Variants in KCNH2 observed in about 807,000 individuals in gnomAD.
KCNH2 encodes the protein potassium voltage-gated channel subfamily H member 2, also known as voltage-gated inwardly rectifying potassium channel KCNH2.
In KCNH2, 35 loss-of-function variants were observed where a neutral mutation model predicts 95.9. The observed-to-expected ratio is 0.37, with a 90% confidence interval of 0.28 to 0.48. KCNH2 has a LOEUF of 0.48. Among genes scored for constraint, KCNH2 ranks in the 20% least tolerant of loss-of-function variants. The pLI is 0.99. For synonymous variants in KCNH2, 786 were observed against 754.7 expected (o/e 1.04, Z -0.68); for missense variants, 1,274 against 1,702.9 (o/e 0.75, Z 4.43).
chr7:150,947,934 C>G, intron 11 of KCNH2, 56 bp from the exon 12 acceptor site: 2 of 1,507,790 alleles, frequency 1.3e-6, no homozygotes, highest in Non-Finnish European at 8.8e-7. Flanking sequence ...GAGGAGGGGG[C>G]GAGGGTGGAG....
Position 150,951,006 on chromosome 7 carries a change from T to A in KCNH2, c.2060A>T (p.His687Leu). 6.2e-7 allele frequency: 1 copy of A among 1,614,214 alleles called. No individual in the cohort carries two copies. Among genetic ancestry groups the A allele is most frequent in the South Asian group, 1.1e-5 (1 of 91,088 alleles). ...CTGGCGCAGGGGATTGGGGATCTGG[T>A]GGAAGCGGATGAACTCCCGCACCCG... ...MLRVREFIRF[H>L]QIPNPLRQRL... The change falls in exon 8 of 15, where the codon CAC (histidine) becomes CTC (leucine). Residue 687 changes from histidine to leucine, a missense_variant. By Grantham distance (99) the His-to-Leu change is moderately conservative (BLOSUM62 -3). Coordinates refer to ENST00000262186, the MANE Select transcript of KCNH2 (RefSeq NM_000238.4).
intron 5 of KCNH2, among the ~76,000 whole-genome samples, chr7:150,954,708 G>C (rs1160101560): frequency 6.6e-6 from 1 of 152,178 alleles, no homozygotes; most frequent in African/African-American, 2.4e-5. Context: ...GTGGGGGCAG[G>C]GATGGGATTC....
At chr7:150,975,019 A>C in intron 1 of KCNH2, 78 bp from the exon 2 acceptor site, 1 of 1,299,304 alleles carries the variant, frequency 7.7e-7, no homozygotes, top group Non-Finnish European at 1.1e-6. Context: ...CACATTCTCC[A>C]CTCACACAGC....
intron 2 of KCNH2, among the ~76,000 whole-genome samples, chr7:150,966,709 C>T (rs1801716450): frequency 6.6e-6 from 1 of 152,180 alleles, no homozygotes; most frequent in East Asian, 1.9e-4. Context: ...AACAATACGT[C>T]TTTTACAATA....
intron 2 of KCNH2, among the ~76,000 whole-genome samples, chr7:150,967,212 G>C (rs905447185): frequency 1.3e-5 from 2 of 152,214 alleles, no homozygotes; most frequent in Non-Finnish European, 2.9e-5. Context: ...CCAAGAGGCA[G>C]AGGCTGCAGT....
At chr7:150,957,015 C>T (rs1398448308) in intron 5 of KCNH2, among the ~76,000 whole-genome samples, 1 of 152,196 alleles carries the variant, frequency 6.6e-6, no homozygotes, top group Non-Finnish European at 1.5e-5. Flanking sequence ...TCACCCTGTG[C>T]CCCGAAGGCA....
At chr7:150,976,484 C>A (rs1471325270) in intron 1 of KCNH2, among the ~76,000 whole-genome samples, 1 of 152,190 alleles carries the variant, frequency 6.6e-6, no homozygotes, top group East Asian at 1.9e-4. Flanking sequence ...AGAGGCCCAG[C>A]CACACACCCC....
intron 1 of KCNH2, among the ~76,000 whole-genome samples, chr7:150,976,237 A>T (rs1801976577): frequency 1.3e-5 from 2 of 151,862 alleles, no homozygotes; most frequent in Non-Finnish European, 2.9e-5. Flanking sequence ...GCTGGGCTGC[A>T]GCAGGGCACC....
At chr7:150,975,191 C>T (rs1037913393) in intron 1 of KCNH2, among the ~76,000 whole-genome samples, 3 of 151,896 alleles carry the variant, frequency 2.0e-5, no homozygotes, top group Non-Finnish European at 4.4e-5. Context: ...TGGCTTCCCC[C>T]GGGCAGGCCG....
At chr7:150,959,847 G>T in intron 2 of KCNH2, 111 bp from the exon 3 acceptor site, 1 of 1,204,086 alleles carries the variant, frequency 8.3e-7, no homozygotes, top group South Asian at 1.3e-5. Flanking sequence ...CTGCCTCCCC[G>T]TATGGCCCTT....
intron 9 of KCNH2, chr7:150,949,490 T>C: frequency 1.3e-6 from 1 of 750,200 alleles, no homozygotes. Flanking sequence ...AATGCTAGAA[T>C]GAACCACATG....
intron 2 of KCNH2, among the ~76,000 whole-genome samples, chr7:150,969,520 G>A (rs1287674190): frequency 1.3e-5 from 2 of 152,144 alleles, no homozygotes; most frequent in Non-Finnish European, 2.9e-5. Context: ...CGCAAAGCAA[G>A]GCTAGAGGAC....
At chr7:150,947,959 G>A (rs1168098884) in intron 11 of KCNH2, 81 bp from the exon 12 acceptor site, 13 of 1,432,036 alleles carry the variant, frequency 9.1e-6, no homozygotes, top group East Asian at 7.5e-5. Flanking sequence ...GGACAGGAGC[G>A]AGCCCGAGAG....
Position 150,944,964 on chromosome 7 carries a change from C to T in KCNH2, c.*401G>A, listed in dbSNP as rs1800839408. On this transcript the variant is annotated 3_prime_UTR_variant, in exon 15 of 15. Transcript: ENST00000262186. ...CACCCTCCCAGCACCACTGGAGTCT[C>T]CTCAGGATAATTATTTATTATTCAT... 5.4e-6 allele frequency: 1 copy of T among 183,760 alleles called. No homozygotes were observed. Among genetic ancestry groups the T allele is most frequent in the Admixed American group, 5.4e-5 (1 of 18,426 alleles). The allele number at this position is 183,760 out of a possible 1,614,324, so 11.4% of individuals were successfully genotyped here. A position where few individuals can be genotyped will look rare whatever the true frequency, so the allele number is the denominator to read the frequency against.
chr7:150,956,107 C>T (rs1030505887), intron 5 of KCNH2, among the ~76,000 whole-genome samples: 10 of 152,132 alleles, frequency 6.6e-5, no homozygotes, highest in Non-Finnish European at 1.5e-4. Context: ...GGAACACACA[C>T]GCCTGCCGAC....
rs918503312 is a variant in KCNH2, at chr7:150,962,656, G to A, written c.308-2920C>T. 4.6e-5 allele frequency among the ~76,000 whole-genome samples: 4 copies of A among 86,124 alleles called. No individual in the cohort carries two copies. Among genetic ancestry groups the A allele is most frequent in the South Asian group, 3.4e-4 (1 of 2,948 alleles). 56.5% of individuals were successfully genotyped at this position (86,124 alleles called of 152,430 possible). A position where few individuals can be genotyped will look rare whatever the true frequency, so the allele number is the denominator to read the frequency against. ...GAGAGAGAGAGAGAGAGAGAGAGGA[G>A]TGACTGCTGGCCCTCTTCCTTTGTC... On this transcript the variant is annotated intron_variant, in intron 2 of 14. Transcript: ENST00000262186. This position sits in a 1 kb window ranked among gnomAD's most constrained non-coding sequence, Gnocchi z 5.7.
intron 2 of KCNH2, among the ~76,000 whole-genome samples, chr7:150,968,991 C>T (rs1034703144): frequency 6.6e-6 from 1 of 152,222 alleles, no homozygotes; most frequent in African/African-American, 2.4e-5. Context: ...CCCCAAAGTG[C>T]ATCAGGGACA....
chr7:150,963,878 A>G (rs1801633655), intron 2 of KCNH2, among the ~76,000 whole-genome samples: 1 of 152,214 alleles, frequency 6.6e-6, no homozygotes, highest in Non-Finnish European at 1.5e-5. Context: ...ACATTCCCAG[A>G]GTGGCAGGTA....
rs1002624342 is a variant in KCNH2 at position 150,949,806 on chromosome 7, G to A, written c.2398+362C>T. On this transcript the variant is annotated intron_variant, in intron 9 of 14. Coordinates refer to ENST00000262186, the MANE Select transcript of KCNH2 (RefSeq NM_000238.4). ...TCAAGGGGCCAGGCATGAGGCTGCA[G>A]GGAACCACATGGCCCTTAGTGAAAC... is the stretch of plus-strand genomic sequence containing the variant. The A allele has an allele frequency of 7.3e-6, 9 of 1,227,128 alleles. No homozygotes were observed. The African/African-American group carries it at 1.4e-4, about 19-fold the overall frequency. The allele number at this position is 1,227,128 out of a possible 1,614,324, so 76.0% of individuals were successfully genotyped here. A position where few individuals can be genotyped will look rare whatever the true frequency, so the allele number is the denominator to read the frequency against.
Sources: gnomAD v4.1 joint callset for allele counts (sites outside exome capture counted in the v4.1 genomes callset) on GRCh38, gnomAD v4.1.1 for gene constraint, Gnocchi (gnomAD v3.1) non-coding constraint, MANE v1.5 for transcripts, NCBI Gene and HGNC (gene_info 2026-07-23, HGNC 2026-07-21) for gene names.